The following EPS15L1 variants were observed in gnomAD, a reference collection of about 807,000 sequenced individuals.
EPS15L1 encodes epidermal growth factor receptor pathway substrate 15 like 1, also known as epidermal growth factor receptor substrate 15-like 1.
In EPS15L1, 43 loss-of-function variants were observed where a neutral mutation model predicts 117.1. The ratio of observed to expected loss-of-function variants is 0.37; its 90% CI spans 0.29 to 0.47. The LOEUF is 0.47. Among genes scored for constraint, EPS15L1 ranks in the 20% least tolerant of loss-of-function variants. The probability of loss-of-function intolerance (pLI) is 0.99; values close to 1 mark genes in which losing one functional copy is unlikely to be tolerated. For missense variants in EPS15L1, 981 were observed against 1,164.0 expected (o/e 0.84, Z 2.29); for synonymous variants, 459 against 470.5 (o/e 0.98, Z 0.32).
chr19:16,400,854 C>T (rs561246052), intron 16 of EPS15L1: 9 of 985,350 alleles, frequency 9.1e-6, no homozygotes, highest in Admixed American at 6.1e-5. Flanking sequence ...CACTTCACTG[C>T]CAACTTTTAT....
chr19:16,466,906 A>G (rs1310526150), intron 1 of EPS15L1, among the ~76,000 whole-genome samples: 1 of 150,594 alleles, frequency 6.6e-6, no homozygotes, highest in East Asian at 1.9e-4. Context: ...TCTGTCTCAA[A>G]AAAAAAAAAA....
chr19:16,452,883 G>A (rs574653127), intron 1 of EPS15L1, among the ~76,000 whole-genome samples: 3 of 151,800 alleles, frequency 2.0e-5, no homozygotes, highest in Admixed American at 6.6e-5. Context: ...TGCAAGCTCC[G>A]CCTCCCCGGT....
chr19:16,355,557 G>C lies in EPS15L1; in HGVS notation c.*148C>G. ...AGGAGATGTGACCTTTCCAGGTCTT[G>C]CAGCCGAGTCTGCTCACCCTGAACA... On this transcript the variant is annotated 3_prime_UTR_variant, in exon 24 of 24. Coordinates refer to ENST00000455140, the MANE Select transcript of EPS15L1 (RefSeq NM_001258374.3). The C allele has an allele frequency of 9.7e-7, 1 of 1,029,280 alleles. No homozygotes were observed. Among genetic ancestry groups the C allele is most frequent in the Non-Finnish European group, 1.4e-6 (1 of 729,352 alleles). 63.8% of individuals were successfully genotyped at this position (1,029,280 alleles called of 1,614,324 possible).
intron 12 of EPS15L1, among the ~76,000 whole-genome samples, chr19:16,414,905 A>G (rs1228604294): frequency 6.6e-6 from 1 of 151,710 alleles, no homozygotes; most frequent in Non-Finnish European, 1.5e-5. Flanking sequence ...CGAGGTCTCA[A>G]TATATGGCCC....
At chr19:16,366,580 C>T (rs1223214771) in intron 22 of EPS15L1, among the ~76,000 whole-genome samples, 3 of 152,160 alleles carry the variant, frequency 2.0e-5, no homozygotes, top group Non-Finnish European at 4.4e-5. Flanking sequence ...GAAATCATGA[C>T]TATGGTAATA....
At chr19:16,384,601 G>A (rs1010058268) in intron 21 of EPS15L1, among the ~76,000 whole-genome samples, 5 of 152,172 alleles carry the variant, frequency 3.3e-5, no homozygotes, top group Admixed American at 1.3e-4. Flanking sequence ...GGACACCAAC[G>A]GGTCCAGTCT....
At chr19:16,437,203 C>T (rs537920877) in intron 5 of EPS15L1, 1 of 580,686 alleles carries the variant, frequency 1.7e-6, no homozygotes, top group African/African-American at 1.9e-5. Flanking sequence ...CCAAACAAAT[C>T]CTTGTACATG....
rs546066318 is a variant in EPS15L1 at position 16,363,971 on chromosome 19, T to C, written c.2381-1987A>G. Among the ~76,000 whole-genome samples the C allele has an allele frequency of 3.5e-4, 53 of 152,346 alleles. No homozygotes were observed. In the South Asian group the frequency reaches 3.7e-3, roughly 11 times the overall value. On this transcript the variant is annotated intron_variant, in intron 22 of 23. Coordinates refer to ENST00000455140, the MANE Select transcript of EPS15L1 (RefSeq NM_001258374.3). ...CCCTTGCGGCCTGCCTGTCCGCCTC[T>C]GCCCGTCCCACAGGGTTCCACCGGG...
chr19:16,413,613 G>GAAAA, intron 13 of EPS15L1, 160 bp downstream of exon 13: 46 of 618,710 alleles, frequency 7.4e-5, no homozygotes, highest in South Asian at 6.1e-4. Flanking sequence ...AATTCAGCCT[G>GAAAA]AAAAAAAAAA....
At chr19:16,384,311 A>G (rs189842471) in intron 21 of EPS15L1, 20 of 152,396 alleles carry the variant, frequency 1.3e-4, no homozygotes, top group Admixed American at 9.1e-4. Flanking sequence ...CAAACAGGGA[A>G]ACATACAACT....
At chr19:16,401,375 G>A (rs920833054) in intron 16 of EPS15L1, 5 of 985,414 alleles carry the variant, frequency 5.1e-6, no homozygotes, top group Non-Finnish European at 6.0e-6. Flanking sequence ...TAGAGAGCAC[G>A]AGCGCTCACT....
chr19:16,417,752 G>T, intron 11 of EPS15L1, 115 bp from the exon 12 acceptor site: 1 of 1,146,538 alleles, frequency 8.7e-7, no homozygotes, highest in Non-Finnish European at 1.3e-6. Context: ...CACAGGGTGA[G>T]GTAGCAAAAG....
chr19:16,362,081 T>G, intron 22 of EPS15L1, 97 bp from the exon 23 acceptor site: 3 of 1,258,978 alleles, frequency 2.4e-6, no homozygotes, highest in Non-Finnish European at 3.2e-6. Context: ...CCCGGGGCGC[T>G]TCTCTGAGAA....
chr19:16,360,274 C>T (rs1037800594), intron 23 of EPS15L1, among the ~76,000 whole-genome samples: 13 of 151,760 alleles, frequency 8.6e-5, no homozygotes, highest in African/African-American at 2.2e-4. Flanking sequence ...ATTTTTCCAC[C>T]AGAAAATAAA....
At chr19:16,412,993 G>A (rs2144891850) in intron 13 of EPS15L1, 1 of 685,016 alleles carries the variant, frequency 1.5e-6, no homozygotes. Flanking sequence ...TGCCTGGGGG[G>A]CTCTCTCAAG....
chr19:16,469,816 T>G lies in EPS15L1; in HGVS notation c.33+2097A>C, dbSNP rs572516435. Among the ~76,000 whole-genome samples, 13 of 152,264 alleles carry G rather than the reference T, an allele frequency of 8.5e-5. No homozygotes were observed. The South Asian group carries it at 2.7e-3, about 32-fold the overall frequency. ...TAAATCCAACCAGATCACAGCCACC[T>G]GCTGCAGGGTGCTTCCCTTTTGCCC... On this transcript the variant is annotated intron_variant, in intron 1 of 23. Transcript: ENST00000455140.
chr19:16,361,038 G>A (rs754952846), intron 23 of EPS15L1, among the ~76,000 whole-genome samples: 21 of 152,144 alleles, frequency 1.4e-4, no homozygotes, highest in Non-Finnish European at 2.9e-4. Context: ...CAAGGAAGCT[G>A]CTAAAAACTC....
chr19:16,463,822 G>C (rs1470109546), intron 1 of EPS15L1, among the ~76,000 whole-genome samples: 1 of 152,230 alleles, frequency 6.6e-6, no homozygotes, highest in Non-Finnish European at 1.5e-5. Context: ...AGGCTTCCCT[G>C]AGGAAGTGAT....
rs746030467 is a variant in EPS15L1, at chr19:16,405,830, C to T, written c.1267-1081G>A. 5.3e-5 allele frequency among the ~76,000 whole-genome samples: 8 copies of T among 152,262 alleles called. No individual in the cohort carries two copies. The highest frequency in any genetic ancestry group is 4.1e-4 in the South Asian group (2 of 4,832). On this transcript the variant is annotated intron_variant, in intron 13 of 23. Transcript: ENST00000455140. This position sits in a 1 kb window ranked among gnomAD's most constrained non-coding sequence, Gnocchi z 4.0. ...CAGAGGCTTCTCACCTCCTGATTTTCAACCACGCAAATGCATTATCTGTCT... is the reference window on the plus strand; with the variant it reads ...CAGAGGCTTCTCACCTCCTGATTTTTAACCACGCAAATGCATTATCTGTCT...
Sources: gnomAD v4.1 joint callset for allele counts (sites outside exome capture counted in the v4.1 genomes callset) on GRCh38, gnomAD v4.1.1 for gene constraint, Gnocchi (gnomAD v3.1) non-coding constraint, MANE v1.5 for transcripts, NCBI Gene and HGNC (gene_info 2026-07-23, HGNC 2026-07-21) for gene names.